Variants in AFG2A observed in about 807,000 individuals in gnomAD.
The protein encoded by AFG2A is AAA ATPase AFG2A.
chr4:122,974,507 A>G, the AFG2A span, among the ~76,000 whole-genome samples: 1 of 152,166 alleles, frequency 6.6e-6, no homozygotes, highest in Non-Finnish European at 1.5e-5. Flanking sequence ...TCAACTTATG[A>G]TGGGGTTATG....
At chr4:123,014,037 T>G in the AFG2A span, among the ~76,000 whole-genome samples, 2,188 of 152,334 alleles carry the variant, frequency 0.014, 48 homozygotes, top group African/African-American at 0.049. Flanking sequence ...TGACTTAAAA[T>G]TCACTTAAGA....
chr4:123,313,187 G>GCCTCCTC, the AFG2A span, among the ~76,000 whole-genome samples: 2 of 152,010 alleles, frequency 1.3e-5, no homozygotes, highest in South Asian at 4.2e-4. Context: ...TTTTCCTACT[G>GCCTCCTC]CCTCCTCCCT....
chr4:123,306,152 C>T, the AFG2A span, among the ~76,000 whole-genome samples: 1 of 152,170 alleles, frequency 6.6e-6, no homozygotes, highest in African/African-American at 2.4e-5. Flanking sequence ...TTTTTCCCCA[C>T]ATTTGAAACT....
At chr4:123,278,455 A>C in the AFG2A span, among the ~76,000 whole-genome samples, 5 of 152,112 alleles carry the variant, frequency 3.3e-5, no homozygotes, top group East Asian at 9.7e-4. Flanking sequence ...AGTTTCCTTC[A>C]GTTCAGCTCT....
At chr4:123,235,151 G>T in the AFG2A span, among the ~76,000 whole-genome samples, 4 of 152,078 alleles carry the variant, frequency 2.6e-5, no homozygotes, top group African/African-American at 9.7e-5. Context: ...AGCACCATAG[G>T]CTTTGATAAG....
the AFG2A span, among the ~76,000 whole-genome samples, chr4:123,252,727 G>T: frequency 6.6e-6 from 1 of 152,108 alleles, no homozygotes; most frequent in Non-Finnish European, 1.5e-5. Context: ...TGCAATTAAG[G>T]TGCAGAACAT....
At chr4:123,209,323 G>T in the AFG2A span, among the ~76,000 whole-genome samples, 1 of 152,116 alleles carries the variant, frequency 6.6e-6, no homozygotes, top group East Asian at 1.9e-4. Context: ...TTGCAGAAAT[G>T]AATGATTACT....
chr4:123,123,951 C>CAAAAAAAA, the AFG2A span, among the ~76,000 whole-genome samples: 1 of 35,776 alleles, frequency 2.8e-5, no homozygotes, highest in Non-Finnish European at 5.3e-5. Flanking sequence ...AACTCCGTCT[C>CAAAAAAAA]AAAAAAAAAA....
At chr4:123,137,115 C>T in the AFG2A span, among the ~76,000 whole-genome samples, 2 of 152,148 alleles carry the variant, frequency 1.3e-5, no homozygotes, top group African/African-American at 4.8e-5. Flanking sequence ...GCGCATCTAA[C>T]GGTGCGGCTG....
At chr4:123,284,426 T>C in the AFG2A span, among the ~76,000 whole-genome samples, 1 of 152,350 alleles carries the variant, frequency 6.6e-6, no homozygotes. Context: ...ATACATTATT[T>C]AATTTCCTCC....
At chr4:122,933,365 A>G in the AFG2A span, 4 of 1,130,464 alleles carry the variant, frequency 3.5e-6, no homozygotes, top group Middle Eastern at 2.0e-4. Flanking sequence ...AACCATATAC[A>G]TGTAATTTTA....
At chr4:123,092,070 A>T in the AFG2A span, among the ~76,000 whole-genome samples, 1 of 152,158 alleles carries the variant, frequency 6.6e-6, no homozygotes, top group Non-Finnish European at 1.5e-5. Flanking sequence ...TTTGGACCTT[A>T]AAAAATCATT....
At chr4:122,982,854 T>G in the AFG2A span, among the ~76,000 whole-genome samples, 1 of 146,212 alleles carries the variant, frequency 6.8e-6, no homozygotes, top group Non-Finnish European at 1.5e-5. Context: ...TTATTTACTT[T>G]AATCTTCTTC....
chr4:123,027,508 A>G, the AFG2A span, among the ~76,000 whole-genome samples: 1 of 152,130 alleles, frequency 6.6e-6, no homozygotes, highest in Non-Finnish European at 1.5e-5. Context: ...GGAACTCCCA[A>G]TGGCCTTTTC....
At chr4:122,969,873 A>G in the AFG2A span, among the ~76,000 whole-genome samples, 1 of 152,100 alleles carries the variant, frequency 6.6e-6, no homozygotes, top group Non-Finnish European at 1.5e-5. Context: ...TTCACTTGTA[A>G]TTATTTTATG....
the AFG2A span, among the ~76,000 whole-genome samples, chr4:123,082,808 A>C: frequency 1.3e-5 from 2 of 152,100 alleles, no homozygotes; most frequent in South Asian, 4.1e-4. Flanking sequence ...AGTGTGGAAT[A>C]TCTCTCCATT....
At chr4:122,979,498 T>A in the AFG2A span, 2 of 1,254,546 alleles carry the variant, frequency 1.6e-6, no homozygotes, top group Non-Finnish European at 2.2e-6. Flanking sequence ...ATATTTTTCT[T>A]AATTGAAAGT....
At chr4:123,069,264 ACT>A in the AFG2A span, among the ~76,000 whole-genome samples, 1 of 152,118 alleles carries the variant, frequency 6.6e-6, no homozygotes, top group Admixed American at 6.6e-5. Flanking sequence ...TCTCCATGTT[ACT>A]CTCTGCACAA....
chr4:123,131,437 A>G, the AFG2A span, among the ~76,000 whole-genome samples: 6 of 152,072 alleles, frequency 3.9e-5, no homozygotes, highest in Non-Finnish European at 7.4e-5. Flanking sequence ...ACATTGTTGC[A>G]CAGCCTCCAA....
Sources: gnomAD v4.1 joint callset for allele counts (sites outside exome capture counted in the v4.1 genomes callset) on GRCh38, gnomAD v4.1.1 for gene constraint, MANE v1.5 for transcripts, NCBI Gene and HGNC (gene_info 2026-07-23, HGNC 2026-07-21) for gene names.